PPFIA2: variants seen among roughly 807,000 people sequenced by gnomAD.
The protein encoded by PPFIA2 is liprin-alpha-2.
PPFIA2 carries 46 observed loss-of-function variants against 175.5 expected under a neutral mutation model. The ratio of observed to expected loss-of-function variants is 0.26; its 90% CI spans 0.21 to 0.34. The LOEUF (loss-of-function observed/expected upper bound fraction) is 0.34. PPFIA2 is among the 10% of genes least tolerant of loss of function. The pLI is 1.00. For synonymous variants in PPFIA2, 568 were observed against 511.4 expected (o/e 1.11, Z -1.49); for missense variants, 1,179 against 1,506.1 (o/e 0.78, Z 3.60).
chr12:81,331,454 G>A lies in PPFIA2; in HGVS notation c.2549-5584C>T, dbSNP rs1038863208. ...CAATGCACGACTGTACTTGTGAAAT[G>A]ATGCTGGTGTACTGCTGAAGCTGTG... On this transcript the variant is annotated intron_variant, in intron 21 of 32. Transcript: ENST00000549396. Among the ~76,000 whole-genome samples, 6 of 152,300 alleles carry A rather than the reference G, an allele frequency of 3.9e-5. No homozygotes were observed. In the South Asian group the frequency reaches 6.2e-4, roughly 16 times the overall value.
intron 28 of PPFIA2, among the ~76,000 whole-genome samples, chr12:81,276,458 A>AT (rs1297179884): frequency 6.6e-6 from 1 of 152,058 alleles, no homozygotes; most frequent in Admixed American, 6.6e-5. Flanking sequence ...CCAATCATGT[A>AT]TTTTTTTCCT....
intron 7 of PPFIA2, among the ~76,000 whole-genome samples, chr12:81,436,365 C>T (rs2049034212): frequency 7.3e-6 from 1 of 137,596 alleles, no homozygotes; most frequent in South Asian, 2.4e-4. Flanking sequence ...GTTTCTCCAG[C>T]TCCTTGCTCA....
At chr12:81,334,390 T>C (rs1208242235) in intron 21 of PPFIA2, among the ~76,000 whole-genome samples, 1 of 152,062 alleles carries the variant, frequency 6.6e-6, no homozygotes, top group African/African-American at 2.4e-5. Flanking sequence ...AAGTCCATAA[T>C]TGGTACTCTG....
chr12:81,516,264 A>G (rs919436530), intron 4 of PPFIA2, among the ~76,000 whole-genome samples: 3 of 152,110 alleles, frequency 2.0e-5, no homozygotes, highest in Non-Finnish European at 4.4e-5. Context: ...TTCTTCCTGA[A>G]AGAGTTCTTG....
chr12:81,626,630 T>C (rs987667506), intron 4 of PPFIA2, among the ~76,000 whole-genome samples: 6 of 152,106 alleles, frequency 3.9e-5, no homozygotes, highest in Admixed American at 6.5e-5. Context: ...CTGCACATTA[T>C]GTTCTTGGCA....
intron 3 of PPFIA2, among the ~76,000 whole-genome samples, chr12:81,729,540 T>G (rs576945406): frequency 6.6e-6 from 1 of 151,708 alleles, no homozygotes; most frequent in Non-Finnish European, 1.5e-5. Context: ...TCAAGTGCGG[T>G]AAACAGAACA....
chr12:81,311,732 C>CAAAAAAAA (rs1050904857), intron 22 of PPFIA2, among the ~76,000 whole-genome samples: 9 of 48,188 alleles, frequency 1.9e-4, no homozygotes, highest in Non-Finnish European at 2.4e-4. Flanking sequence ...GACTCTGTCT[C>CAAAAAAAA]AAAAAAAAAA....
intron 4 of PPFIA2, among the ~76,000 whole-genome samples, chr12:81,522,112 C>A (rs1040702528): frequency 6.6e-6 from 1 of 151,912 alleles, no homozygotes; most frequent in Non-Finnish European, 1.5e-5. Context: ...GTGAAAGAAG[C>A]AAAAATATAA....
At chr12:81,393,109 T>C (rs929165235) in intron 8 of PPFIA2, among the ~76,000 whole-genome samples, 3 of 152,024 alleles carry the variant, frequency 2.0e-5, no homozygotes, top group Non-Finnish European at 4.4e-5. Context: ...TCCTGTTACA[T>C]TGCAGTTAAG....
At chr12:81,522,703 C>A (rs900794699) in intron 4 of PPFIA2, among the ~76,000 whole-genome samples, 1 of 152,156 alleles carries the variant, frequency 6.6e-6, no homozygotes, top group Non-Finnish European at 1.5e-5. Context: ...CAAATTTTTC[C>A]TCAGAAGCCC....
chr12:81,510,496 T>C (rs1200137252), intron 4 of PPFIA2, among the ~76,000 whole-genome samples: 3 of 152,196 alleles, frequency 2.0e-5, no homozygotes, highest in Admixed American at 6.6e-5. Context: ...TACTTAGGTA[T>C]GAGACACTAT....
chr12:81,307,647 AT>A (rs2049618226), intron 22 of PPFIA2, among the ~76,000 whole-genome samples: 1 of 152,032 alleles, frequency 6.6e-6, no homozygotes, highest in Non-Finnish European at 1.5e-5. Context: ...TCTATCTCTC[AT>A]TTGGTAACTT....
rs567972413 is a variant in PPFIA2 at position 81,677,371 on chromosome 12, T to A, written c.250-527A>T. ...AACGTTCCAAATATGCTCTTCTGGC[T>A]ATCATGAAATATACAGTAAATTATT... On this transcript the variant is annotated intron_variant, in intron 3 of 32. Coordinates refer to ENST00000549396, the MANE Select transcript of PPFIA2 (RefSeq NM_003625.5). Among the ~76,000 whole-genome samples, 5 of 152,178 alleles carry A rather than the reference T, an allele frequency of 3.3e-5. No homozygotes were observed. The South Asian group carries it at 1.0e-3, about 31-fold the overall frequency.
chr12:81,600,644 A>G (rs1469204613), intron 4 of PPFIA2, among the ~76,000 whole-genome samples: 1 of 151,950 alleles, frequency 6.6e-6, no homozygotes, highest in Non-Finnish European at 1.5e-5. Context: ...AATTTTTTAA[A>G]TGACTAAATA....
chr12:81,751,060 G>A (rs1255718008), intron 3 of PPFIA2, among the ~76,000 whole-genome samples: 2 of 151,976 alleles, frequency 1.3e-5, no homozygotes, highest in African/African-American at 4.8e-5. Context: ...AGCAATTGAT[G>A]AAGAATATTC....
rs2038687412 is a variant in PPFIA2 at position 81,385,351 on chromosome 12, G to A, written c.763-1107C>T. 2.0e-5 allele frequency among the ~76,000 whole-genome samples: 3 copies of A among 152,196 alleles called. No individual in the cohort carries two copies. In the South Asian group the frequency reaches 6.2e-4, roughly 32 times the overall value. ...TATGATCCAGAAATCTCACTTCTGG[G>A]TATATAACCAAAGGAATTGAAATCA... On this transcript the variant is annotated intron_variant, in intron 8 of 32. Coordinates refer to ENST00000549396, the MANE Select transcript of PPFIA2 (RefSeq NM_003625.5).
chr12:81,382,269 T>G (rs144609303), intron 9 of PPFIA2, among the ~76,000 whole-genome samples: 1 of 152,228 alleles, frequency 6.6e-6, no homozygotes, highest in African/African-American at 2.4e-5. Flanking sequence ...CAGTAGATGA[T>G]CTCCAAGAGG....
chr12:81,327,306 C>A (rs11114824), intron 21 of PPFIA2, among the ~76,000 whole-genome samples: 29,020 of 151,742 alleles, frequency 0.19, 4,131 homozygotes, highest in East Asian at 0.42. Flanking sequence ...GTACTTAAAT[C>A]TTTTTTTATT....
At chr12:81,455,324 T>C (rs1419164806) in intron 5 of PPFIA2, among the ~76,000 whole-genome samples, 2 of 152,186 alleles carry the variant, frequency 1.3e-5, no homozygotes, top group African/African-American at 4.8e-5. Flanking sequence ...ATATAATTAA[T>C]ACTGTGTACA....
Sources: gnomAD v4.1 joint callset for allele counts (sites outside exome capture counted in the v4.1 genomes callset) on GRCh38, gnomAD v4.1.1 for gene constraint, MANE v1.5 for transcripts, NCBI Gene and HGNC (gene_info 2026-07-23, HGNC 2026-07-21) for gene names.